The following IGSF21 variants were observed in gnomAD, a reference collection of about 807,000 sequenced individuals.
IGSF21 encodes the protein immunoglobin superfamily member 21.
IGSF21 carries 28 observed loss-of-function variants against 46.8 expected under a neutral mutation model. That is an observed-to-expected ratio of 0.60 (90% CI 0.44 to 0.82). The LOEUF is 0.82. Among genes scored for constraint, IGSF21 ranks in the 40% least tolerant of loss-of-function variants. IGSF21 has a pLI of 0.00. For synonymous variants in IGSF21, 284 were observed against 273.6 expected (o/e 1.04, Z -0.38); for missense variants, 624 against 665.5 (o/e 0.94, Z 0.69).
At chr1:18,139,560 G>C (rs1026169286) in intron 1 of IGSF21, among the ~76,000 whole-genome samples, 4 of 152,210 alleles carry the variant, frequency 2.6e-5, no homozygotes, top group African/African-American at 7.2e-5. Context: ...CGTCAGGTCA[G>C]GAATGGACCA....
At chr1:18,220,345 A>G (rs1046771585) in intron 1 of IGSF21, among the ~76,000 whole-genome samples, 4 of 152,114 alleles carry the variant, frequency 2.6e-5, no homozygotes, top group Admixed American at 2.0e-4. Flanking sequence ...AGCAGCACCA[A>G]TCCAAGCAGA....
chr1:18,366,710 G>A (rs1246843819), intron 6 of IGSF21, among the ~76,000 whole-genome samples: 2 of 152,174 alleles, frequency 1.3e-5, no homozygotes, highest in Non-Finnish European at 2.9e-5. Context: ...TCATCTGTGG[G>A]TATGTGGGAG....
rs966690966 is a variant in IGSF21, at chr1:18,335,735, G to A, written c.424+725G>A. Among the ~76,000 whole-genome samples, 3 of 152,186 alleles carry A rather than the reference G, an allele frequency of 2.0e-5. No homozygotes were observed. Among genetic ancestry groups the A allele is most frequent in the Non-Finnish European group, 2.9e-5 (2 of 68,036 alleles). ...TTTCTTATCAAATAATACGTATCAG[G>A]GAAACAAAGCTTGCGGTACACAGGC... On this transcript the variant is annotated intron_variant, in intron 4 of 9. Transcript: ENST00000251296. The surrounding 1 kb of genome is among the most constrained non-coding windows in gnomAD (Gnocchi z 4.8).
At chr1:18,133,425 A>G (rs1210932699) in intron 1 of IGSF21, among the ~76,000 whole-genome samples, 2 of 152,206 alleles carry the variant, frequency 1.3e-5, no homozygotes, top group African/African-American at 4.8e-5. Context: ...GGCCCTGGAC[A>G]AGTCGCTTCA....
intron 1 of IGSF21, among the ~76,000 whole-genome samples, chr1:18,172,585 G>C (rs1301682848): frequency 1.3e-5 from 2 of 152,242 alleles, no homozygotes; most frequent in African/African-American, 4.8e-5. Context: ...TGCAGAGAGA[G>C]AGAGAGAATG....
intron 2 of IGSF21, among the ~76,000 whole-genome samples, chr1:18,230,786 G>T (rs767379689): frequency 6.6e-6 from 1 of 152,036 alleles, no homozygotes; most frequent in Non-Finnish European, 1.5e-5. Context: ...CAAGGTCAGG[G>T]CAGGGCTTCC....
chr1:18,195,080 C>A (rs902865793), intron 1 of IGSF21, among the ~76,000 whole-genome samples: 1 of 152,200 alleles, frequency 6.6e-6, no homozygotes, highest in African/African-American at 2.4e-5. Context: ...CTCCACCAGG[C>A]CATGCCCTTG....
intron 2 of IGSF21, among the ~76,000 whole-genome samples, chr1:18,235,137 A>G (rs567628333): frequency 6.6e-6 from 1 of 152,356 alleles, no homozygotes; most frequent in East Asian, 1.9e-4. Flanking sequence ...AATTTCCAGG[A>G]CTGGAGCCTC....
intron 1 of IGSF21, among the ~76,000 whole-genome samples, chr1:18,185,360 C>T (rs983717725): frequency 6.6e-6 from 1 of 152,316 alleles, no homozygotes; most frequent in East Asian, 1.9e-4. Flanking sequence ...AAATATCCTT[C>T]TGACTGATCT....
rs561526993 is a variant in IGSF21, at chr1:18,328,298, C to T, written c.306-6594C>T. 5.3e-5 allele frequency among the ~76,000 whole-genome samples: 8 copies of T among 152,344 alleles called. No homozygotes were observed. The East Asian group carries it at 1.5e-3, about 29-fold the overall frequency. ...TGCGGAAAACACTTTCATTAGCCTA[C>T]ACTCGGGCAAAATAATCCAACACAA... On this transcript the variant is annotated intron_variant, in intron 3 of 9. Transcript: ENST00000251296.
At chr1:18,115,372 G>A (rs1176629043) in intron 1 of IGSF21, 1 of 152,264 alleles carries the variant, frequency 6.6e-6, no homozygotes, top group Non-Finnish European at 1.5e-5. Flanking sequence ...GATCGTTGGG[G>A]ATAGTCTCCC....
rs115958090 is a variant in IGSF21, at chr1:18,292,248, G to A, written c.305+261G>A. On this transcript the variant is annotated intron_variant, in intron 3 of 9. Coordinates refer to ENST00000251296, the MANE Select transcript of IGSF21 (RefSeq NM_032880.5). ...CTCCTCCAACAGTCCTGGAAGGTGG[G>A]TATTCCAAACTCCATTTATTTCCAA... Among the ~76,000 whole-genome samples, 1,401 of 152,354 alleles carry A rather than the reference G, an allele frequency of 9.2e-3. 19 individuals are homozygous for A. The highest frequency in any genetic ancestry group is 0.031 in the African/African-American group (1,309 of 41,582).
intron 1 of IGSF21, among the ~76,000 whole-genome samples, chr1:18,174,038 G>C (rs2086770285): frequency 6.6e-6 from 1 of 152,210 alleles, no homozygotes; most frequent in South Asian, 2.1e-4. Context: ...ACAGGCATGA[G>C]CCACCGCGCC....
At chr1:18,304,017 G>T (rs1442567795) in intron 3 of IGSF21, among the ~76,000 whole-genome samples, 3 of 152,320 alleles carry the variant, frequency 2.0e-5, no homozygotes, top group South Asian at 4.1e-4. Flanking sequence ...GGGAGATTGG[G>T]GTGGGGTGTG....
chr1:18,108,194 G>A lies in IGSF21; in HGVS notation c.66G>A (p.Ala22=), dbSNP rs1161684496. 7.0e-7 allele frequency: 1 copy of A among 1,429,446 alleles called. No individual in the cohort carries two copies. The highest frequency in any genetic ancestry group is 2.6e-5 in the Admixed American group (1 of 38,174). 88.5% of individuals were successfully genotyped at this position (1,429,446 alleles called of 1,614,324 possible). ...TGCTCGCCGCGATCCTGGACCTGGC[G>A]CGCGGTGAGTGCGCGGGCGCCTGGC... is the stretch of plus-strand genomic sequence containing the variant. ...CLLLAAILDL[A]RGYLTVNIEP... is the part of the protein sequence containing the mutation. The change falls in exon 1 of 10, where the codon GCG becomes GCA. Residue 22 remains alanine (A), a synonymous_variant. Coordinates refer to ENST00000251296, the MANE Select transcript of IGSF21 (RefSeq NM_032880.5).
At chr1:18,135,249 T>TTTTA (rs1053477690) in intron 1 of IGSF21, among the ~76,000 whole-genome samples, 3 of 152,112 alleles carry the variant, frequency 2.0e-5, no homozygotes, top group East Asian at 3.8e-4. Context: ...TATGTACTTG[T>TTTTA]TTTATTTATT....
In IGSF21 at chr1:18,227,929, C is replaced by T. The variant is rs762723241; in HGVS notation, c.102C>T (p.Pro34=). 1 of 1,614,088 alleles carries T rather than the reference C, an allele frequency of 6.2e-7. No homozygotes were observed. Among genetic ancestry groups the T allele is most frequent in the Non-Finnish European group, 8.5e-7 (1 of 1,179,950 alleles). The change falls in exon 2 of 10, where the codon CCC becomes CCT. Residue 34 remains proline (P), a synonymous_variant. Transcript: ENST00000251296. Reference sequence around the variant, plus strand: ...TGACAGTCAACATTGAGCCTCTCCCCCCTGTGGTGGCTGGAGACGCCGTGA... The same window carrying T: ...TGACAGTCAACATTGAGCCTCTCCCTCCTGTGGTGGCTGGAGACGCCGTGA... ...GYLTVNIEPL[P]PVVAGDAVTL... is the part of the protein sequence containing the mutation.
chr1:18,171,558 G>A (rs1030781148), intron 1 of IGSF21, among the ~76,000 whole-genome samples: 8 of 152,210 alleles, frequency 5.3e-5, no homozygotes, highest in Non-Finnish European at 7.3e-5. Flanking sequence ...CTAGCCACGA[G>A]TGACTTTTCC....
intron 1 of IGSF21, among the ~76,000 whole-genome samples, chr1:18,177,399 G>A (rs796536156): frequency 1.3e-3 from 71 of 54,452 alleles, no homozygotes; most frequent in South Asian, 3.9e-3. Flanking sequence ...TGAGGTGTGT[G>A]TGTGTGTGTG....
Sources: allele counts gnomAD v4.1 joint callset (sites outside exome capture counted in the v4.1 genomes callset), GRCh38; gene constraint gnomAD v4.1.1; non-coding constraint Gnocchi (gnomAD v3.1); transcripts MANE v1.5; gene names NCBI Gene and HGNC (gene_info 2026-07-23, HGNC 2026-07-21).